Variants in MROH1 observed in about 807,000 individuals in gnomAD.
MROH1 encodes the protein maestro heat like repeat family member 1.
In MROH1, 117 loss-of-function variants were observed where a neutral mutation model predicts 116.5. That is an observed-to-expected ratio of 1.00 (90% CI 0.86 to 1.17). The LOEUF (loss-of-function observed/expected upper bound fraction) is 1.17, where lower values mean the gene tolerates loss of function less well. Ranked by LOEUF, MROH1 falls within the 50% of genes most tolerant of loss-of-function variation. MROH1 has a pLI of 0.00. For synonymous variants in MROH1, 921 were observed against 583.9 expected, an observed-to-expected ratio of 1.58 and a Z score of -8.32; for missense variants, 1,873 against 1,338.5, an observed-to-expected ratio of 1.40 and a Z score of -6.23.
chr8:144,218,708 TCCTGTCC>T (rs1564502560), intron 12 of MROH1, among the ~76,000 whole-genome samples: 1 of 53,766 alleles, frequency 1.9e-5, no homozygotes, highest in African/African-American at 7.4e-5. Flanking sequence ...CCCTCTCCCC[TCCTGTCC>T]CCCCTCCCCT....
chr8:144,260,833 G>C lies in MROH1; in HGVS notation c.4536+1G>C. 2.6e-6 allele frequency: 2 copies of C among 777,724 alleles called. No individual in the cohort carries two copies. Among genetic ancestry groups the C allele is most frequent in the Non-Finnish European group, 4.8e-6 (2 of 417,578 alleles). 48.2% of individuals were successfully genotyped at this position (777,724 alleles called of 1,614,324 possible). On this transcript the variant is annotated splice_donor_variant, in intron 40 of 43. Transcript: ENST00000326134. LOFTEE classifies it high-confidence loss of function. The stretch of plus-strand genomic sequence containing the variant: ...GGACCCTCAGGCCACCGTGGCCAGC[G>C]TGAGTAGCCAGGGGGTGAGTGGGAT...
At position 144,261,686 on chromosome 8, in the gene MROH1, C is replaced by G. The variant is rs969564584; in HGVS notation, c.4872C>G (p.Pro1624=). The G allele has an allele frequency of 1.2e-4, 87 of 728,128 alleles. No individual in the cohort carries two copies. The highest frequency in any genetic ancestry group is 2.0e-4 in the Non-Finnish European group (80 of 400,250). The allele number at this position is 728,128 out of a possible 1,614,324, so 45.1% of individuals were successfully genotyped here. The change falls in exon 44 of 44, where the codon CCC becomes CCG. Residue 1624 remains proline, a synonymous_variant. Transcript: ENST00000326134. ...ALQILLKDPA[P]EVRTRAAEAL... ...AGATCCTGCTGAAGGACCCGGCCCCCGAGGTGCGGACGAGGGCTGCTGAGG... is the reference window on the plus strand; with the variant it reads ...AGATCCTGCTGAAGGACCCGGCCCCGGAGGTGCGGACGAGGGCTGCTGAGG...
At chr8:144,255,015 C>T (rs1843447185) in intron 34 of MROH1, 37 bp downstream of exon 34, 3 of 717,410 alleles carry the variant, frequency 4.2e-6, no homozygotes, top group East Asian at 2.6e-5. Context: ...GACACGCTGT[C>T]CCTGCCCCGC....
chr8:144,247,700 G>T, intron 31 of MROH1, 21 bp downstream of exon 31: 1 of 744,568 alleles, frequency 1.3e-6, no homozygotes, highest in Admixed American at 1.8e-5. Context: ...GGAGCTCTGC[G>T]GCCGGAAGGC....
intron 12 of MROH1, among the ~76,000 whole-genome samples, chr8:144,215,193 A>C (rs985456913): frequency 6.6e-6 from 1 of 152,230 alleles, no homozygotes; most frequent in Non-Finnish European, 1.5e-5. Context: ...TCAACCATCA[A>C]ACTTTTTAAT....
At chr8:144,208,769 G>C (rs1833426711) in intron 12 of MROH1, among the ~76,000 whole-genome samples, 1 of 151,772 alleles carries the variant, frequency 6.6e-6, no homozygotes, top group Non-Finnish European at 1.5e-5. Flanking sequence ...TGTCACCCAG[G>C]CTGGAGTACA....
Position 144,180,547 on chromosome 8 carries a change from C to G in MROH1, c.562+24C>G. On this transcript the variant is annotated intron_variant, in intron 7 of 43. Coordinates refer to ENST00000326134, the MANE Select transcript of MROH1 (RefSeq NM_032450.3). This position sits in a 1 kb window ranked among gnomAD's most constrained non-coding sequence, Gnocchi z 7.4. ...CGGTAAGAGGCGGCCTCGTCACCTT[C>G]TGTCTCAAGTGCCCCTTTGTGGGGG... 6.2e-7 allele frequency: 1 copy of G among 1,601,706 alleles called. No homozygotes were observed. Among genetic ancestry groups the G allele is most frequent in the Non-Finnish European group, 8.5e-7 (1 of 1,176,486 alleles).
At chr8:144,222,056 A>T (rs1267893692) in intron 13 of MROH1, among the ~76,000 whole-genome samples, 2 of 61,510 alleles carry the variant, frequency 3.3e-5, no homozygotes, top group Non-Finnish European at 1.3e-4. Context: ...TGGGGTGACA[A>T]CTGCAGATTC....
chr8:144,257,818 C>T (rs1406279957), intron 35 of MROH1, among the ~76,000 whole-genome samples: 1 of 152,258 alleles, frequency 6.6e-6, no homozygotes, highest in Non-Finnish European at 1.5e-5. Flanking sequence ...TGCTTTTGGG[C>T]CAGGTGCTCC....
chr8:144,219,389 C>T (rs879407342), intron 12 of MROH1, among the ~76,000 whole-genome samples: 4 of 152,122 alleles, frequency 2.6e-5, no homozygotes, highest in Non-Finnish European at 5.9e-5. Flanking sequence ...AACTCCTGGG[C>T]TCAAGTGATC....
At chr8:144,151,105 G>A (rs1326497977) in intron 1 of MROH1, among the ~76,000 whole-genome samples, 1 of 151,936 alleles carries the variant, frequency 6.6e-6, no homozygotes, top group African/African-American at 2.4e-5. Context: ...AAAATTCGTC[G>A]AGTGTGGCGG....
intron 1 of MROH1, among the ~76,000 whole-genome samples, chr8:144,152,555 A>ATTATTATTTTTTT (rs1369841266): frequency 7.7e-6 from 1 of 130,590 alleles, no homozygotes; most frequent in African/African-American, 2.8e-5. Flanking sequence ...TATTATTATT[A>ATTATTATTTTTTT]TTTTTTTTTT....
intron 30 of MROH1, 36 bp from the exon 31 acceptor site, chr8:144,247,531 G>T: frequency 1.3e-6 from 1 of 762,024 alleles, no homozygotes; most frequent in Non-Finnish European, 2.4e-6. Flanking sequence ...GCCAGGGAGG[G>T]CCTGGGCCCG....
intron 12 of MROH1, among the ~76,000 whole-genome samples, chr8:144,216,041 C>T (rs369155522): frequency 4.2e-4 from 64 of 152,034 alleles, no homozygotes; most frequent in East Asian, 3.7e-3. Flanking sequence ...CAAAATTAGC[C>T]GGGCGTGGTG....
intron 7 of MROH1, among the ~76,000 whole-genome samples, chr8:144,184,385 A>T (rs1229564370): frequency 1.3e-5 from 2 of 152,178 alleles, no homozygotes; most frequent in Admixed American, 6.6e-5. Flanking sequence ...CAGGACCAGC[A>T]ATATCAGTTA....
intron 14 of MROH1, among the ~76,000 whole-genome samples, chr8:144,225,533 C>G (rs1837621324): frequency 6.6e-6 from 1 of 151,652 alleles, no homozygotes; most frequent in South Asian, 2.1e-4. Flanking sequence ...TTTCAGAGAG[C>G]AGAAGTTTTA....
intron 12 of MROH1, chr8:144,201,231 A>AT (rs201398049): frequency 7.3e-5 from 11 of 150,424 alleles, no homozygotes; most frequent in East Asian, 3.9e-4. Context: ...TAACTTTTGT[A>AT]TTTTTTTTTA....
intron 35 of MROH1, among the ~76,000 whole-genome samples, chr8:144,257,655 C>T (rs1265372320): frequency 6.6e-6 from 1 of 152,208 alleles, no homozygotes; most frequent in Non-Finnish European, 1.5e-5. Flanking sequence ...GCCTGGCCCC[C>T]AGCTTGGCGG....
chr8:144,248,814 C>T, intron 31 of MROH1, 63 bp from the exon 32 acceptor site: 1 of 755,770 alleles, frequency 1.3e-6, no homozygotes, highest in South Asian at 1.4e-5. Context: ...GACCCGATGC[C>T]TAACAGAAGT....
Sources: gnomAD v4.1 joint callset for allele counts (sites outside exome capture counted in the v4.1 genomes callset) on GRCh38, gnomAD v4.1.1 for gene constraint, Gnocchi (gnomAD v3.1) non-coding constraint, MANE v1.5 for transcripts, NCBI Gene and HGNC (gene_info 2026-07-23, HGNC 2026-07-21) for gene names.